The following SLC5A10 variants were observed in gnomAD, a reference collection of about 807,000 sequenced individuals.
The protein encoded by SLC5A10 is solute carrier family 5 member 10.
Under a neutral mutation model 68.9 loss-of-function variants are expected in SLC5A10, and 55 were observed. The observed-to-expected ratio is 0.80, with a 90% CI of 0.64 to 1.00. The LOEUF (loss-of-function observed/expected upper bound fraction) is 1.00. Among genes scored for constraint, SLC5A10 ranks in the 50% least tolerant of loss-of-function variants. The pLI is 0.00. For missense variants in SLC5A10, 732 were observed against 819.3 expected (o/e 0.89, Z 1.30); for synonymous variants, 344 against 344.8 (o/e 1.00, Z 0.02).
intron 9 of SLC5A10, among the ~76,000 whole-genome samples, chr17:18,989,648 C>T (rs535360849): frequency 1.3e-5 from 2 of 152,258 alleles, no homozygotes; most frequent in East Asian, 1.9e-4. Context: ...AAGAGCCCGA[C>T]GGGGGGCTGG....
chr17:19,005,239 TC>T (rs2043851055), intron 9 of SLC5A10, among the ~76,000 whole-genome samples: 1 of 152,162 alleles, frequency 6.6e-6, no homozygotes, highest in Admixed American at 6.5e-5. Context: ...GATACCCAGT[TC>T]TCAGTCCTAA....
chr17:19,004,271 C>CGGGGCT lies in SLC5A10; in HGVS notation c.983-9123_983-9118dup, dbSNP rs562232904. ...GGAACTCAGGTGGGCGTGGGAAGGA[C>CGGGGCT]GGGGCTGGGGCTGGGGCTGGGAAGA... On this transcript the variant is annotated intron_variant, in intron 9 of 14. Coordinates refer to ENST00000395645, the MANE Select transcript of SLC5A10 (RefSeq NM_001042450.4). This position sits in a 1 kb window ranked among gnomAD's most constrained non-coding sequence, Gnocchi z 5.4. The CGGGGCT allele has an allele frequency of 4.9e-4, 192 of 389,652 alleles. No homozygotes were observed. The highest frequency in any genetic ancestry group is 3.5e-3 in the African/African-American group (148 of 42,368). 24.1% of individuals were successfully genotyped at this position (389,652 alleles called of 1,614,324 possible). A position where few individuals can be genotyped will look rare whatever the true frequency, so the allele number is the denominator to read the frequency against.
intron 14 of SLC5A10, 36 bp from the exon 15 acceptor site, chr17:19,020,289 C>A (rs2044240640): frequency 1.2e-6 from 2 of 1,613,510 alleles, no homozygotes; most frequent in African/African-American, 2.7e-5. Flanking sequence ...ACCTTGTGTC[C>A]TTCATCTGTC....
At chr17:18,973,503 G>A (rs554531292) in intron 8 of SLC5A10, among the ~76,000 whole-genome samples, 28 of 152,256 alleles carry the variant, frequency 1.8e-4, no homozygotes, top group African/African-American at 6.3e-4. Context: ...TGGTGGATGC[G>A]GGGCCTCGGT....
At chr17:18,958,286 C>G (rs750869656) in intron 1 of SLC5A10, among the ~76,000 whole-genome samples, 2 of 152,032 alleles carry the variant, frequency 1.3e-5, no homozygotes, top group Non-Finnish European at 2.9e-5. Context: ...TCTCAAACTG[C>G]TAGGCTCAAG....
At chr17:18,956,591 C>T (rs1444686635) in intron 1 of SLC5A10, among the ~76,000 whole-genome samples, 4 of 151,664 alleles carry the variant, frequency 2.6e-5, no homozygotes, top group Non-Finnish European at 5.9e-5. Flanking sequence ...ATCCTCCCAC[C>T]TCAGACTCTA....
At chr17:18,964,399 G>A (rs1050947617) in intron 5 of SLC5A10, among the ~76,000 whole-genome samples, 18 of 152,190 alleles carry the variant, frequency 1.2e-4, no homozygotes, top group African/African-American at 4.1e-4. Flanking sequence ...AGGCATGACT[G>A]GGCCTGGCCT....
chr17:18,959,399 G>A (rs2042568981), intron 3 of SLC5A10, among the ~76,000 whole-genome samples, 160 bp downstream of exon 3: 1 of 152,240 alleles, frequency 6.6e-6, no homozygotes, highest in Non-Finnish European at 1.5e-5. Context: ...GAATACCAAG[G>A]TGCTGGATGG....
Position 19,017,540 on chromosome 17 carries a change from G to GCTC in SLC5A10, c.1242-1883_1242-1882insCTC. 1 of 740,288 alleles carries GCTC rather than the reference G, an allele frequency of 1.4e-6. No individual in the cohort carries two copies. Among genetic ancestry groups the GCTC allele is most frequent in the Non-Finnish European group, 2.2e-6 (1 of 452,570 alleles). 45.9% of individuals were successfully genotyped at this position (740,288 alleles called of 1,614,324 possible). A position where few individuals can be genotyped will look rare whatever the true frequency, so the allele number is the denominator to read the frequency against. On this transcript the variant is annotated intron_variant, in intron 11 of 14. Coordinates refer to ENST00000395645, the MANE Select transcript of SLC5A10 (RefSeq NM_001042450.4). The surrounding 1 kb of genome is among the most constrained non-coding windows in gnomAD (Gnocchi z 5.6). The stretch of plus-strand genomic sequence containing the variant: ...GTGACCCTGATGGCTCTGTCCAGCT[G>GCTC]AGCAGAGGCTGGAGGAGCCGTCACA...
At chr17:18,969,238 G>C in intron 6 of SLC5A10, 81 bp downstream of exon 6, 1 of 1,578,498 alleles carries the variant, frequency 6.3e-7, no homozygotes, top group Non-Finnish European at 8.6e-7. Flanking sequence ...AGGCCCGAGG[G>C]AGCAGCCCAG....
At chr17:19,013,389 A>G (rs201561660) in intron 9 of SLC5A10, 21 bp from the exon 10 acceptor site, 17 of 1,605,158 alleles carry the variant, frequency 1.1e-5, no homozygotes, top group Non-Finnish European at 4.3e-6. Flanking sequence ...GAGAGACACC[A>G]AGTGTCCGTC....
Position 18,971,401 on chromosome 17 carries a change from A to G in SLC5A10, c.846+183A>G. ...CCCGGGGGGCTTGAGCCCTCCGTTTAGAATCCGATGAGGCCCACTGGCTAC... is the reference window on the plus strand; with the variant it reads ...CCCGGGGGGCTTGAGCCCTCCGTTTGGAATCCGATGAGGCCCACTGGCTAC... On this transcript the variant is annotated intron_variant, in intron 8 of 14. Transcript: ENST00000395645. This position sits in a 1 kb window ranked among gnomAD's most constrained non-coding sequence, Gnocchi z 5.5. The G allele has an allele frequency of 1.2e-6, 2 of 1,613,750 alleles. No individual in the cohort carries two copies. The highest frequency in any genetic ancestry group is 8.5e-7 in the Non-Finnish European group (1 of 1,179,992).
At position 19,022,072 on chromosome 17, in the gene SLC5A10, G is replaced by A. The variant is rs2044273757; in HGVS notation, c.*1641G>A. ...TCCAGGACCTCAATGATGTCGCCAC[G>A]GCGGAAGCTGAGCTGCGAGGGGTCC... On this transcript the variant is annotated 3_prime_UTR_variant, in exon 15 of 15. Transcript: ENST00000395645. 3.1e-6 allele frequency: 5 copies of A among 1,592,102 alleles called. No individual in the cohort carries two copies. Among genetic ancestry groups the A allele is most frequent in the Non-Finnish European group, 4.3e-6 (5 of 1,170,162 alleles).
At chr17:18,956,116 C>A (rs563576331) in intron 1 of SLC5A10, among the ~76,000 whole-genome samples, 2 of 152,042 alleles carry the variant, frequency 1.3e-5, no homozygotes, top group Admixed American at 1.3e-4. Context: ...ATCGCTTGAA[C>A]CCGGGAGGCA....
intron 9 of SLC5A10, chr17:18,979,464 AT>A: frequency 6.6e-7 from 1 of 1,523,196 alleles, no homozygotes; most frequent in African/African-American, 1.4e-5. Flanking sequence ...ATGAACCGGA[AT>A]AACCAGGGTT....
At chr17:18,963,787 C>T (rs1442116966) in intron 5 of SLC5A10, among the ~76,000 whole-genome samples, 4 of 152,246 alleles carry the variant, frequency 2.6e-5, no homozygotes, top group African/African-American at 4.8e-5. Context: ...GACCCTCAGA[C>T]GAATGGGCCC....
At chr17:19,002,599 A>G (rs1190627555) in intron 9 of SLC5A10, among the ~76,000 whole-genome samples, 1 of 152,202 alleles carries the variant, frequency 6.6e-6, no homozygotes, top group Admixed American at 6.5e-5. Flanking sequence ...CCTTCTCAAC[A>G]CAGCTCACTA....
At chr17:19,001,081 C>T (rs1047462099) in intron 9 of SLC5A10, among the ~76,000 whole-genome samples, 1 of 152,168 alleles carries the variant, frequency 6.6e-6, no homozygotes, top group Non-Finnish European at 1.5e-5. Context: ...CCTTGGGCAG[C>T]GACTAACCAG....
intron 9 of SLC5A10, among the ~76,000 whole-genome samples, chr17:18,995,027 G>A (rs2043527843): frequency 6.6e-6 from 1 of 152,122 alleles, no homozygotes; most frequent in African/African-American, 2.4e-5. Flanking sequence ...TAACCTAACT[G>A]CATCCCAGAA....
Sources: allele counts gnomAD v4.1 joint callset (sites outside exome capture counted in the v4.1 genomes callset), GRCh38; gene constraint gnomAD v4.1.1; non-coding constraint Gnocchi (gnomAD v3.1); transcripts MANE v1.5; gene names NCBI Gene and HGNC (gene_info 2026-07-23, HGNC 2026-07-21).